Variants in CRYZL1 observed in about 807,000 individuals in gnomAD.
CRYZL1 encodes the protein ferry endosomal RAB5 effector complex subunit 4.
CRYZL1 carries 34 observed loss-of-function variants against 50.6 expected under a neutral mutation model. That is an observed-to-expected ratio of 0.67 (90% CI 0.51 to 0.89). The LOEUF (loss-of-function observed/expected upper bound fraction) is 0.89, where lower values mean the gene tolerates loss of function less well. Among genes scored for constraint, CRYZL1 ranks in the 40% least tolerant of loss-of-function variants. The probability of loss-of-function intolerance (pLI) is 0.00; values close to 1 mark genes in which losing one functional copy is unlikely to be tolerated. For missense variants in CRYZL1, 354 were observed against 402.3 expected, an observed-to-expected ratio of 0.88 and a Z score of 1.03; for synonymous variants, 125 against 134.3, an observed-to-expected ratio of 0.93 and a Z score of 0.48.
At chr21:33,605,994 C>T (rs2086810677) in intron 6 of CRYZL1, among the ~76,000 whole-genome samples, 1 of 152,092 alleles carries the variant, frequency 6.6e-6, no homozygotes. Flanking sequence ...GTGGAGCATT[C>T]AAACATGCAT....
At chr21:33,605,530 C>CTTTTTTGTTTTTTTTTTTTTTTTTTT (rs2086802620) in intron 6 of CRYZL1, among the ~76,000 whole-genome samples, 1 of 53,196 alleles carries the variant, frequency 1.9e-5, no homozygotes, top group African/African-American at 8.1e-5. Context: ...TACAAGAATT[C>CTTTTTTGTTTTTTTTTTTTTTTTTTT]TTTTTTTTTT....
intron 9 of CRYZL1, 145 bp downstream of exon 9, chr21:33,599,005 A>C: frequency 1.5e-6 from 1 of 682,730 alleles, no homozygotes; most frequent in South Asian, 2.0e-5. Context: ...AATTTAAATT[A>C]AAAAGTCTTC....
At chr21:33,614,053 T>A (rs903340909) in intron 5 of CRYZL1, among the ~76,000 whole-genome samples, 3 of 151,630 alleles carry the variant, frequency 2.0e-5, no homozygotes, top group African/African-American at 7.3e-5. Context: ...GCGCCTGTAA[T>A]CCCAGCTACT....
chr21:33,628,763 G>A (rs2087100424), intron 2 of CRYZL1, among the ~76,000 whole-genome samples: 1 of 151,544 alleles, frequency 6.6e-6, no homozygotes. Flanking sequence ...CAGCATGCCT[G>A]GTTAACTCAA....
At chr21:33,597,860 C>A (rs537403389) in intron 9 of CRYZL1, among the ~76,000 whole-genome samples, 1 of 152,110 alleles carries the variant, frequency 6.6e-6, no homozygotes, top group African/African-American at 2.4e-5. Context: ...GTGATCCGCC[C>A]GCCTCGGCCT....
At chr21:33,638,493 G>T (rs140775724) in intron 1 of CRYZL1, among the ~76,000 whole-genome samples, 1 of 152,168 alleles carries the variant, frequency 6.6e-6, no homozygotes, top group Non-Finnish European at 1.5e-5. Context: ...GATTACAGGC[G>T]TGAGCCACTG....
chr21:33,629,406 C>T (rs1009275306), intron 2 of CRYZL1, among the ~76,000 whole-genome samples: 4 of 152,100 alleles, frequency 2.6e-5, no homozygotes, highest in Admixed American at 6.5e-5. Flanking sequence ...GGACTAGAGG[C>T]GCACGCCACC....
intron 1 of CRYZL1, chr21:33,641,362 G>A (rs1369793970): frequency 6.6e-7 from 1 of 1,511,346 alleles, no homozygotes; most frequent in African/African-American, 1.4e-5. Context: ...ACAAGAAGCA[G>A]AGGAGAAAAA....
chr21:33,595,419 G>C, intron 11 of CRYZL1: 1 of 1,345,602 alleles, frequency 7.4e-7, no homozygotes, highest in East Asian at 4.7e-5. Context: ...AGGTATCTTA[G>C]GGCTCATCTC....
intron 2 of CRYZL1, among the ~76,000 whole-genome samples, chr21:33,627,325 C>T (rs1006110922): frequency 7.2e-5 from 11 of 152,228 alleles, no homozygotes; most frequent in African/African-American, 1.9e-4. Flanking sequence ...TCTTGAATTC[C>T]TGGGCTTAAG....
rs536554932 is a variant in CRYZL1, at chr21:33,589,684, T to A, written c.*138A>T. ...ACTTTTCAAATGTGTCAACTGAGCA[T>A]CTTGTCTTAGCAGAGAAACGTGCTT... On this transcript the variant is annotated 3_prime_UTR_variant, in exon 13 of 13. Coordinates refer to ENST00000381554, the MANE Select transcript of CRYZL1 (RefSeq NM_145858.3). 110 of 615,302 alleles carry A rather than the reference T, an allele frequency of 1.8e-4. No homozygotes were observed. In the African/African-American group the frequency reaches 2.0e-3, roughly 11 times the overall value. 38.1% of individuals were successfully genotyped at this position (615,302 alleles called of 1,614,324 possible). A position where few individuals can be genotyped will look rare whatever the true frequency, so the allele number is the denominator to read the frequency against.
intron 3 of CRYZL1, among the ~76,000 whole-genome samples, 165 bp from the exon 4 acceptor site, chr21:33,622,233 A>C (rs2087011619): frequency 2.0e-5 from 3 of 152,220 alleles, no homozygotes; most frequent in Admixed American, 2.0e-4. Context: ...GGTTTCTCTA[A>C]AGGGTAGGAA....
At chr21:33,604,142 C>T (rs1470914854) in intron 6 of CRYZL1, among the ~76,000 whole-genome samples, 2 of 151,922 alleles carry the variant, frequency 1.3e-5, no homozygotes, top group East Asian at 1.9e-4. Flanking sequence ...CCGAGGCGGG[C>T]GGATCACGAG....
At chr21:33,604,403 C>A (rs1403103603) in intron 6 of CRYZL1, among the ~76,000 whole-genome samples, 1 of 147,680 alleles carries the variant, frequency 6.8e-6, no homozygotes, top group East Asian at 2.0e-4. Context: ...GTGGCAGGCG[C>A]CTTTGGTCCC....
chr21:33,609,312 CCTT>C (rs1202957056), intron 6 of CRYZL1, among the ~76,000 whole-genome samples: 1 of 151,994 alleles, frequency 6.6e-6, no homozygotes, highest in Non-Finnish European at 1.5e-5. Flanking sequence ...TGTAAGAGCT[CCTT>C]CTTAAAGTAC....
At chr21:33,630,987 T>G (rs987215403) in intron 2 of CRYZL1, among the ~76,000 whole-genome samples, 1 of 152,096 alleles carries the variant, frequency 6.6e-6, no homozygotes, top group Non-Finnish European at 1.5e-5. Flanking sequence ...TATTAGAGGC[T>G]GGGGAGATTA....
At chr21:33,598,580 G>A (rs1447278925) in intron 9 of CRYZL1, among the ~76,000 whole-genome samples, 3 of 152,100 alleles carry the variant, frequency 2.0e-5, no homozygotes, top group African/African-American at 4.8e-5. Context: ...CTATCCAATC[G>A]AAGGCAGCCA....
In CRYZL1 at chr21:33,593,999, A is replaced by G. The variant is rs1187399883; in HGVS notation, c.904+1732T>C. On this transcript the variant is annotated intron_variant, in intron 11 of 12. Coordinates refer to ENST00000381554, the MANE Select transcript of CRYZL1 (RefSeq NM_145858.3). ...CTCTGTCTCAAAAAAAAAAAAAAAAAAAAAAAAAAAATCAAAACTAATAGC... is the reference window on the plus strand; with the variant it reads ...CTCTGTCTCAAAAAAAAAAAAAAAAGAAAAAAAAAAATCAAAACTAATAGC... Among the ~76,000 whole-genome samples, 3 of 151,046 alleles carry G rather than the reference A, an allele frequency of 2.0e-5. No individual in the cohort carries two copies. The East Asian group carries it at 5.8e-4, about 29-fold the overall frequency.
intron 5 of CRYZL1, among the ~76,000 whole-genome samples, chr21:33,615,799 G>A (rs1451094288): frequency 6.6e-6 from 1 of 152,182 alleles, no homozygotes; most frequent in African/African-American, 2.4e-5. Flanking sequence ...TCAAGCATGT[G>A]ACTTGTAACT....
Sources: allele counts gnomAD v4.1 joint callset (sites outside exome capture counted in the v4.1 genomes callset), GRCh38; gene constraint gnomAD v4.1.1; transcripts MANE v1.5; gene names NCBI Gene and HGNC (gene_info 2026-07-23, HGNC 2026-07-21).